The following STARD13 variants were observed in gnomAD, a reference collection of about 807,000 sequenced individuals.
STARD13 encodes stAR-related lipid transfer protein 13.
A neutral mutation model predicts 106.4 loss-of-function variants in STARD13; 62 were observed. That is an observed-to-expected ratio of 0.58 (90% CI 0.48 to 0.72). The LOEUF is 0.72. STARD13 is among the 30% of genes least tolerant of loss of function. The probability of loss-of-function intolerance (pLI) is 0.00; values close to 1 mark genes in which losing one functional copy is unlikely to be tolerated. For synonymous variants in STARD13, 565 were observed against 553.0 expected, an observed-to-expected ratio of 1.02 and a Z score of -0.31; for missense variants, 1,387 against 1,424.0, an observed-to-expected ratio of 0.97 and a Z score of 0.42.
the STARD13 span, among the ~76,000 whole-genome samples, chr13:33,616,690 G>T: frequency 1.3e-5 from 2 of 152,318 alleles, no homozygotes; most frequent in African/African-American, 4.8e-5. Context: ...AGGCTCTGAA[G>T]ATACACTTCA....
intron 1 of STARD13, among the ~76,000 whole-genome samples, chr13:33,190,656 G>C (rs555121220): frequency 6.9e-6 from 1 of 145,410 alleles, no homozygotes; most frequent in South Asian, 2.2e-4. Context: ...GCACAATCTT[G>C]GCTCACTGCA....
rs182845910 is a variant in STARD13, at chr13:33,146,255, C to T, written c.324-3882G>A. On this transcript the variant is annotated intron_variant, in intron 3 of 13. Coordinates refer to ENST00000336934, the MANE Select transcript of STARD13 (RefSeq NM_178006.4). ...AGGAGAATTGCTTGAACCCGGGAGG[C>T]GGAGGTTGCAGCGAGCCGAGATTGC... Among the ~76,000 whole-genome samples the T allele has an allele frequency of 3.5e-3, 525 of 152,008 alleles. 4 individuals carry two copies. Among genetic ancestry groups the T allele is most frequent in the African/African-American group, 0.012 (492 of 41,448 alleles).
chr13:33,381,039 AC>A, the STARD13 span, among the ~76,000 whole-genome samples: 18 of 152,300 alleles, frequency 1.2e-4, no homozygotes, highest in East Asian at 3.5e-3. Context: ...TCACTGACTG[AC>A]TTTTTTCTAA....
At chr13:33,519,272 CTTTTCTT>C in the STARD13 span, among the ~76,000 whole-genome samples, 1 of 123,254 alleles carries the variant, frequency 8.1e-6, no homozygotes, top group African/African-American at 3.0e-5. Context: ...TTCTTTCTTT[CTTTTCTT>C]TCTCTTTCTT....
chr13:33,174,501 C>G (rs146109060), intron 1 of STARD13, among the ~76,000 whole-genome samples: 1 of 152,130 alleles, frequency 6.6e-6, no homozygotes, highest in Non-Finnish European at 1.5e-5. Flanking sequence ...CAAGAGCCAT[C>G]CCCTAACCCA....
the STARD13 span, among the ~76,000 whole-genome samples, chr13:33,542,575 C>G: frequency 6.6e-6 from 1 of 152,268 alleles, no homozygotes; most frequent in Non-Finnish European, 1.5e-5. Flanking sequence ...CGCCCTCCCA[C>G]CAAGACGAGG....
At chr13:33,167,465 T>A (rs1357088017) in intron 2 of STARD13, 86 bp downstream of exon 2, 4 of 1,405,090 alleles carry the variant, frequency 2.8e-6, no homozygotes, top group Non-Finnish European at 4.0e-6. Flanking sequence ...GAAAAAAAAA[T>A]CTGGAAGTCA....
chr13:33,622,906 A>G, the STARD13 span, among the ~76,000 whole-genome samples: 22,715 of 145,750 alleles, frequency 0.16, 3,775 homozygotes, highest in African/African-American at 0.43. Context: ...GCGACAGAGC[A>G]AAACTCTGTC....
the STARD13 span, among the ~76,000 whole-genome samples, chr13:33,373,377 A>G: frequency 2.0e-5 from 3 of 152,208 alleles, no homozygotes; most frequent in African/African-American, 7.2e-5. Flanking sequence ...AAGCACAGTG[A>G]TAAATCATTA....
the STARD13 span, among the ~76,000 whole-genome samples, chr13:33,401,556 G>A: frequency 6.6e-6 from 1 of 152,144 alleles, no homozygotes; most frequent in Non-Finnish European, 1.5e-5. Flanking sequence ...TGGCCTGGCC[G>A]CACTTCCATT....
chr13:33,623,606 A>G, the STARD13 span, among the ~76,000 whole-genome samples: 1 of 152,062 alleles, frequency 6.6e-6, no homozygotes, highest in Non-Finnish European at 1.5e-5. Flanking sequence ...ACATCTACAT[A>G]TTTAATTTAC....
chr13:33,663,017 T>C, the STARD13 span, among the ~76,000 whole-genome samples: 1 of 152,252 alleles, frequency 6.6e-6, no homozygotes, highest in African/African-American at 2.4e-5. Context: ...TCCTATTCAC[T>C]GCTAACAGTA....
At chr13:33,481,260 A>G in the STARD13 span, among the ~76,000 whole-genome samples, 1 of 152,234 alleles carries the variant, frequency 6.6e-6, no homozygotes, top group South Asian at 2.1e-4. Flanking sequence ...GATTAATTCA[A>G]ATATACTGCA....
In STARD13 at chr13:33,177,851, AAGGAAGGAAGGAAGGAAGGAAGGAAAGG is replaced by A. The variant is rs1441242089; in HGVS notation, c.170-10257_170-10230del. Among the ~76,000 whole-genome samples, 16 of 13,872 alleles carry A rather than the reference AAGGAAGGAAGGAAGGAAGGAAGGAAAGG, an allele frequency of 1.2e-3. No homozygotes were observed. The African/African-American group carries it at 0.012, about 10-fold the overall frequency. The allele number at this position is 13,872 out of a possible 152,430, so 9.1% of individuals were successfully genotyped here. A position where few individuals can be genotyped will look rare whatever the true frequency, so the allele number is the denominator to read the frequency against. The stretch of plus-strand genomic sequence containing the variant: ...AAGGAAGGAAGGAAGGAAAGGAAGG[AAGGAAGGAAGGAAGGAAGGAAGGAAAGG>A]AAGGAAGGAAGGAAGGAAGGAAGGA... On this transcript the variant is annotated intron_variant, in intron 1 of 13. Coordinates refer to ENST00000336934, the MANE Select transcript of STARD13 (RefSeq NM_178006.4).
chr13:33,120,528 C>A (rs1288385369), intron 7 of STARD13, among the ~76,000 whole-genome samples: 5 of 152,110 alleles, frequency 3.3e-5, no homozygotes, highest in African/African-American at 1.2e-4. Context: ...AACCTTCCTG[C>A]CCTGGCCTTG....
At chr13:33,372,769 C>G in the STARD13 span, among the ~76,000 whole-genome samples, 1 of 151,794 alleles carries the variant, frequency 6.6e-6, no homozygotes, top group Non-Finnish European at 1.5e-5. Context: ...AAAACCGAGA[C>G]AGGATTGTTA....
the STARD13 span, among the ~76,000 whole-genome samples, chr13:33,650,164 A>ATTTTTTTTTTTTT: frequency 2.1e-5 from 1 of 48,374 alleles, no homozygotes; most frequent in Non-Finnish European, 3.7e-5. Context: ...CGTGACTCCA[A>ATTTTTTTTTTTTT]TTTTTTTTTT....
chr13:33,263,695 C>T (rs530376872), intron 1 of STARD13, among the ~76,000 whole-genome samples: 1 of 152,278 alleles, frequency 6.6e-6, no homozygotes, highest in Admixed American at 6.5e-5. Flanking sequence ...TGGAATGTCA[C>T]CCGAGCACTC....
chr13:33,416,678 C>T, the STARD13 span, among the ~76,000 whole-genome samples: 1 of 152,254 alleles, frequency 6.6e-6, no homozygotes, highest in African/African-American at 2.4e-5. Flanking sequence ...CTAGACCACA[C>T]ACAAAAATTA....
Sources: gnomAD v4.1 joint callset for allele counts (sites outside exome capture counted in the v4.1 genomes callset) on GRCh38, gnomAD v4.1.1 for gene constraint, MANE v1.5 for transcripts, NCBI Gene and HGNC (gene_info 2026-07-23, HGNC 2026-07-21) for gene names.